Variants in RARG observed in about 807,000 individuals in gnomAD.
The protein encoded by RARG is retinoic acid receptor gamma, also known as RAR-gamma.
RARG carries 17 observed loss-of-function variants against 43.7 expected under a neutral mutation model. That is an observed-to-expected ratio of 0.39 (90% CI 0.27 to 0.58). The LOEUF is 0.58. Among genes scored for constraint, RARG ranks in the 20% least tolerant of loss-of-function variants. The probability of loss-of-function intolerance (pLI) is 0.57; values close to 1 mark genes in which losing one functional copy is unlikely to be tolerated. For synonymous variants in RARG, 238 were observed against 236.4 expected (o/e 1.01, Z -0.06); for missense variants, 346 against 598.7 (o/e 0.58, Z 4.40).
intron 3 of RARG, among the ~76,000 whole-genome samples, chr12:53,221,789 C>T (rs1438725566): frequency 6.6e-6 from 1 of 151,696 alleles, no homozygotes; most frequent in South Asian, 2.1e-4. Flanking sequence ...GCCCAGCCGG[C>T]TCTGTCAGCG....
chr12:53,231,834 C>T (rs1943242011), intron 1 of RARG, 140 bp downstream of exon 1: 1 of 381,116 alleles, frequency 2.6e-6, no homozygotes, highest in South Asian at 1.5e-4. Flanking sequence ...GGCAAGAAGC[C>T]CCCCTCAAGC....
intron 3 of RARG, chr12:53,220,377 TA>T: frequency 1.3e-6 from 1 of 751,668 alleles, no homozygotes; most frequent in Non-Finnish European, 1.5e-6. Context: ...AGACCTTTTT[TA>T]AAAGCGAAGC....
Position 53,223,497 on chromosome 12 carries a change from C to T in RARG, c.184+3865G>A, listed in dbSNP as rs975365808. ...GAGGGGGGTGCAGCCTGGGCCCTGG[C>T]GGCGGCGGCTTGCCCGGCTCCCCCC... On this transcript the variant is annotated intron_variant, in intron 3 of 9. Coordinates refer to ENST00000425354, the MANE Select transcript of RARG (RefSeq NM_000966.6). Among the ~76,000 whole-genome samples, 21 of 150,332 alleles carry T rather than the reference C, an allele frequency of 1.4e-4. 1 individual carries two copies. The highest frequency in any genetic ancestry group is 4.6e-4 in the African/African-American group (19 of 41,028).
intron 3 of RARG, among the ~76,000 whole-genome samples, chr12:53,224,318 G>A (rs569056985): frequency 4.4e-4 from 67 of 151,864 alleles, no homozygotes; most frequent in African/African-American, 1.6e-3. Flanking sequence ...AGGTGCCAGG[G>A]ACCCAGCAAT....
rs1403311383 is a variant in RARG at position 53,211,758 on chromosome 12, T to G, written c.1283A>C (p.Gln428Pro). 6.4e-7 allele frequency: 1 copy of G among 1,570,230 alleles called. No homozygotes were observed. Among genetic ancestry groups the G allele is most frequent in the Non-Finnish European group, 8.6e-7 (1 of 1,158,984 alleles). ...AGAGGCATTGGGGTGGGGACCAGGC[T>G]GCGAGGAGTCATCCTCAAACATTTC... ...NPEMFEDDSS[Q>P]PGPHPNASSE... The change falls in exon 10 of 10, where the codon CAG (glutamine) becomes CCG (proline). Residue 428 changes from glutamine to proline, a missense_variant. Gln to Pro is a moderately conservative substitution (Grantham distance 76). This residue lies in a region of RARG where 40 missense variants were observed against 44.6 expected (regional missense o/e 0.90). Transcript: ENST00000425354. This position sits in a 1 kb window ranked among gnomAD's most constrained non-coding sequence, Gnocchi z 4.6.
intron 3 of RARG, among the ~76,000 whole-genome samples, chr12:53,221,958 T>G (rs1383637342): frequency 6.8e-6 from 1 of 146,242 alleles, no homozygotes; most frequent in African/African-American, 2.6e-5. Context: ...GGGCGCCTGT[T>G]GGAAGAATAA....
chr12:53,227,983 C>G lies in RARG; in HGVS notation c.-142-296G>C, dbSNP rs1407268463. On this transcript the variant is annotated intron_variant, in intron 2 of 9. Coordinates refer to ENST00000425354, the MANE Select transcript of RARG (RefSeq NM_000966.6). The surrounding 1 kb of genome is among the most constrained non-coding windows in gnomAD (Gnocchi z 4.3). Reference sequence around the variant, plus strand: ...GGGAAGTGATCATGAATCACCACAACTGGGCTAAGCATTTGACCTAAACCT... The same window carrying G: ...GGGAAGTGATCATGAATCACCACAAGTGGGCTAAGCATTTGACCTAAACCT... 6.6e-6 allele frequency among the ~76,000 whole-genome samples: 1 copy of G among 152,208 alleles called. No homozygotes were observed. Among genetic ancestry groups the G allele is most frequent in the African/African-American group, 2.4e-5 (1 of 41,444 alleles).
At chr12:53,212,150 C>T (rs945276541) in intron 9 of RARG, among the ~76,000 whole-genome samples, 1 of 152,212 alleles carries the variant, frequency 6.6e-6, no homozygotes, top group African/African-American at 2.4e-5. Context: ...CAACCCCACT[C>T]CCCAAGTACC....
In RARG at chr12:53,227,232, C is replaced by T. The variant is rs1943130213; in HGVS notation, c.184+130G>A. 5.2e-6 allele frequency: 5 copies of T among 956,088 alleles called. No individual in the cohort carries two copies. Among genetic ancestry groups the T allele is most frequent in the Non-Finnish European group, 7.5e-6 (5 of 664,248 alleles). 59.2% of individuals were successfully genotyped at this position (956,088 alleles called of 1,614,324 possible). A position where few individuals can be genotyped will look rare whatever the true frequency, so the allele number is the denominator to read the frequency against. On this transcript the variant is annotated intron_variant, in intron 3 of 9. Transcript: ENST00000425354. The surrounding 1 kb of genome is among the most constrained non-coding windows in gnomAD (Gnocchi z 4.3). ...CACTACCACCCTCCATTATTCACTA[C>T]TACTCCATTAGGCCAAACCCCTGTC...
rs965884539 is a variant in RARG at position 53,227,818 on chromosome 12, C to T, written c.-142-131G>A. The T allele has an allele frequency of 4.7e-6, 3 of 645,052 alleles. No homozygotes were observed. The highest frequency in any genetic ancestry group is 6.5e-6 in the Non-Finnish European group (3 of 463,028). The allele number at this position is 645,052 out of a possible 1,614,324, so 40.0% of individuals were successfully genotyped here. On this transcript the variant is annotated intron_variant, in intron 2 of 9. Transcript: ENST00000425354. The surrounding 1 kb of genome is among the most constrained non-coding windows in gnomAD (Gnocchi z 4.3). ...GTTTATCCTGCCCTGGCTCAGGGCCCTTGCAGTGTGGTAGAGAGGGCACGG... is the reference window on the plus strand; with the variant it reads ...GTTTATCCTGCCCTGGCTCAGGGCCTTTGCAGTGTGGTAGAGAGGGCACGG...
chr12:53,221,261 T>G (rs1942954144), intron 3 of RARG, among the ~76,000 whole-genome samples: 1 of 151,482 alleles, frequency 6.6e-6, no homozygotes, highest in Non-Finnish European at 1.5e-5. Flanking sequence ...CCCGAAGCCT[T>G]ATCCCGCAAC....
chr12:53,217,690 G>C (rs1286649522), intron 3 of RARG, among the ~76,000 whole-genome samples: 7 of 152,210 alleles, frequency 4.6e-5, no homozygotes, highest in African/African-American at 1.7e-4. Context: ...CCCAGACTCG[G>C]GCTTAGACCC....
intron 9 of RARG, among the ~76,000 whole-genome samples, chr12:53,212,106 CTG>C (rs1327749850): frequency 1.3e-5 from 2 of 152,238 alleles, no homozygotes; most frequent in Non-Finnish European, 2.9e-5. Flanking sequence ...TTCTTTCAGG[CTG>C]TCTCTTCAGC....
chr12:53,216,205 A>G (rs1271082499), intron 3 of RARG, among the ~76,000 whole-genome samples: 1 of 152,116 alleles, frequency 6.6e-6, no homozygotes, highest in African/African-American at 2.4e-5. Context: ...TCTCTTTGGT[A>G]TATCTTTGTC....
Position 53,212,958 on chromosome 12 carries a change from G to A in RARG, c.1177+127C>T, listed in dbSNP as rs934568380. 4.1e-5 allele frequency: 49 copies of A among 1,186,318 alleles called. No individual in the cohort carries two copies. In the Admixed American group the frequency reaches 1.0e-3, roughly 24 times the overall value. 73.5% of individuals were successfully genotyped at this position (1,186,318 alleles called of 1,614,324 possible). A position where few individuals can be genotyped will look rare whatever the true frequency, so the allele number is the denominator to read the frequency against. ...AAGTCTCCCACTACTATGTGGCAGA[G>A]CTAGGATTCCAGTGTAGATTGCCTG... On this transcript the variant is annotated intron_variant, in intron 9 of 9. Coordinates refer to ENST00000425354, the MANE Select transcript of RARG (RefSeq NM_000966.6).
At chr12:53,220,401 G>C in intron 3 of RARG, 1 of 152,140 alleles carries the variant, frequency 6.6e-6, no homozygotes, top group South Asian at 1.5e-4. Flanking sequence ...GGAGGGGTGG[G>C]GGGTGGGGCT....
chr12:53,229,854 C>A (rs746872524), intron 2 of RARG: 4 of 761,550 alleles, frequency 5.3e-6, no homozygotes, highest in Non-Finnish European at 6.4e-6. Context: ...ATGGGAAACA[C>A]AGGCAGGTAG....
At chr12:53,221,770 G>A (rs145393179) in intron 3 of RARG, among the ~76,000 whole-genome samples, 6,935 of 148,552 alleles carry the variant, frequency 0.047, 245 homozygotes, top group Non-Finnish European at 0.07. Context: ...CGGGCCGCCC[G>A]GCCTGCCTGC....
At chr12:53,218,829 C>G (rs1220923613) in intron 3 of RARG, among the ~76,000 whole-genome samples, 1 of 150,984 alleles carries the variant, frequency 6.6e-6, no homozygotes, top group Non-Finnish European at 1.5e-5. Context: ...CCCTTCCCAG[C>G]GTGCCCCCAA....
Sources: allele counts gnomAD v4.1 joint callset (sites outside exome capture counted in the v4.1 genomes callset), GRCh38; gene constraint gnomAD v4.1.1; regional missense constraint gnomAD v4.1.1; non-coding constraint Gnocchi (gnomAD v3.1); transcripts MANE v1.5; gene names NCBI Gene and HGNC (gene_info 2026-07-23, HGNC 2026-07-21).